Variants in RFX3 observed in about 807,000 individuals in gnomAD.
RFX3 encodes the protein transcription factor RFX3.
A neutral mutation model predicts 98.6 loss-of-function variants in RFX3; 14 were observed. That is an observed-to-expected ratio of 0.14 (90% CI 0.09 to 0.22). The LOEUF is 0.22. RFX3 is among the 10% of genes least tolerant of loss of function. The pLI, the probability that RFX3 is intolerant of heterozygous loss-of-function variation, is 1.00. For missense variants in RFX3, 639 were observed against 926.9 expected, an observed-to-expected ratio of 0.69 and a Z score of 4.03; for synonymous variants, 383 against 328.4, an observed-to-expected ratio of 1.17 and a Z score of -1.80.
chr9:3,316,584 T>C (rs1478962960), intron 4 of RFX3, among the ~76,000 whole-genome samples: 1 of 152,202 alleles, frequency 6.6e-6, no homozygotes, highest in Non-Finnish European at 1.5e-5. Context: ...GGAAGTCAAA[T>C]TGTCCCTGTT....
Position 3,219,179 on chromosome 9 carries a change from G to C in RFX3, c.*5863C>G, listed in dbSNP as rs1285287964. On this transcript the variant is annotated 3_prime_UTR_variant, in exon 17 of 17. Transcript: ENST00000617270. ...TTGGTACAAAAGATGCTTTTTAAAC[G>C]AATAAAGTTCAATAGATTCTTTATT... 6.6e-6 allele frequency: 1 copy of C among 152,070 alleles called. No individual in the cohort carries two copies. Among genetic ancestry groups the C allele is most frequent in the African/African-American group, 2.4e-5 (1 of 41,414 alleles). The allele number at this position is 152,070 out of a possible 1,614,324, so 9.4% of individuals were successfully genotyped here.
At chr9:3,475,605 G>T (rs1408293398) in intron 1 of RFX3, among the ~76,000 whole-genome samples, 1 of 152,162 alleles carries the variant, frequency 6.6e-6, no homozygotes, top group Admixed American at 6.5e-5. Flanking sequence ...TATTATTTCT[G>T]CATAATATTA....
chr9:3,336,549 A>T lies in RFX3; in HGVS notation c.216-6032T>A, dbSNP rs117489365. On this transcript the variant is annotated intron_variant, in intron 3 of 16. Transcript: ENST00000617270. ...AGGAGTCAGCCCTATGGAAAACAAGAAGAATAAAATTTTAGGAAGACAGTA... is the reference window on the plus strand; with the variant it reads ...AGGAGTCAGCCCTATGGAAAACAAGTAGAATAAAATTTTAGGAAGACAGTA... Among the ~76,000 whole-genome samples, 277 of 152,296 alleles carry T rather than the reference A, an allele frequency of 1.8e-3. 1 individual carries two copies. Among genetic ancestry groups the T allele is most frequent in the Middle Eastern group, 6.8e-3 (2 of 294 alleles).
intron 1 of RFX3, chr9:3,400,050 A>C (rs1235575763): frequency 6.4e-6 from 1 of 156,278 alleles, no homozygotes; most frequent in African/African-American, 2.4e-5. Context: ...AGACCATTTT[A>C]CTGCTAGAAA....
rs914665557 is a variant in RFX3 at position 3,488,984 on chromosome 9, G to C, written c.-9+36763C>G. ...GATTCTATTTCATCATCACATCTTT[G>C]ATTGAAACAACATGAACACAATTTT... On this transcript the variant is annotated intron_variant, in intron 1 of 16. Coordinates refer to ENST00000617270, the MANE Select transcript of RFX3 (RefSeq NM_001282116.2). 1.6e-5 allele frequency: 10 copies of C among 623,110 alleles called. No individual in the cohort carries two copies. The African/African-American group carries it at 1.8e-4, about 11-fold the overall frequency. The allele number at this position is 623,110 out of a possible 1,614,324, so 38.6% of individuals were successfully genotyped here.
intron 4 of RFX3, among the ~76,000 whole-genome samples, chr9:3,321,688 T>C (rs1831338981): frequency 6.6e-6 from 1 of 152,206 alleles, no homozygotes; most frequent in Non-Finnish European, 1.5e-5. Context: ...CAGCAGGATG[T>C]TTTCACCTTT....
intron 1 of RFX3, among the ~76,000 whole-genome samples, chr9:3,421,552 T>C (rs1843441235): frequency 6.6e-6 from 1 of 152,234 alleles, no homozygotes; most frequent in Non-Finnish European, 1.5e-5. Context: ...GTCCTTATTG[T>C]TGTACAGAAT....
intron 4 of RFX3, among the ~76,000 whole-genome samples, chr9:3,311,405 T>A (rs1166099977): frequency 6.6e-6 from 1 of 152,210 alleles, no homozygotes; most frequent in Admixed American, 6.5e-5. Context: ...CTCACACCTG[T>A]GTGAAATGAC....
At chr9:3,231,349 A>G (rs1818417140) in intron 15 of RFX3, among the ~76,000 whole-genome samples, 1 of 152,210 alleles carries the variant, frequency 6.6e-6, no homozygotes, top group Admixed American at 6.5e-5. Context: ...TTACAGAGGA[A>G]AAAACACTTT....
chr9:3,436,288 A>T (rs1245344129), intron 1 of RFX3, among the ~76,000 whole-genome samples: 1 of 152,036 alleles, frequency 6.6e-6, no homozygotes, highest in Non-Finnish European at 1.5e-5. Context: ...GGTTTCTGGT[A>T]ATTACAACCA....
rs565529395 is a variant in RFX3, at chr9:3,497,775, G to A, written c.-9+27972C>T. 5.1e-4 allele frequency among the ~76,000 whole-genome samples: 78 copies of A among 152,076 alleles called. 2 individuals carry two copies. In the South Asian group the frequency reaches 9.5e-3, roughly 19 times the overall value. Reference sequence around the variant, plus strand: ...TGCCATAAGCTTGCTTAAAGAGGCTGATTTTACCTTTAGCTGAAGCTGTGT... The same window carrying A: ...TGCCATAAGCTTGCTTAAAGAGGCTAATTTTACCTTTAGCTGAAGCTGTGT... On this transcript the variant is annotated intron_variant, in intron 1 of 16. Coordinates refer to ENST00000617270, the MANE Select transcript of RFX3 (RefSeq NM_001282116.2).
At chr9:3,387,889 C>G (rs180701995) in intron 2 of RFX3, among the ~76,000 whole-genome samples, 148 of 152,166 alleles carry the variant, frequency 9.7e-4, no homozygotes, top group Admixed American at 6.5e-3. Context: ...CCTCTTGACC[C>G]TGAACAGAAA....
chr9:3,518,637 G>A (rs1480610772), intron 1 of RFX3, among the ~76,000 whole-genome samples: 1 of 152,120 alleles, frequency 6.6e-6, no homozygotes, highest in African/African-American at 2.4e-5. Context: ...TGATGAAAAT[G>A]TTCAGGAAAA....
chr9:3,270,946 T>C, intron 10 of RFX3, 57 bp downstream of exon 10: 1 of 1,611,338 alleles, frequency 6.2e-7, no homozygotes. Context: ...CTCTAATTTA[T>C]TAGTTGTGAC....
chr9:3,229,716 T>C (rs373488354), intron 15 of RFX3, among the ~76,000 whole-genome samples: 2 of 152,240 alleles, frequency 1.3e-5, no homozygotes, highest in East Asian at 1.9e-4. Flanking sequence ...TAAACATTAC[T>C]TTTTTAAGGT....
chr9:3,297,310 CATAAA>C (rs1424456687), intron 5 of RFX3, among the ~76,000 whole-genome samples: 2 of 152,008 alleles, frequency 1.3e-5, no homozygotes, highest in East Asian at 3.9e-4. Context: ...TTCAAAAGCC[CATAAA>C]ATAACATAGG....
intron 1 of RFX3, among the ~76,000 whole-genome samples, chr9:3,409,071 G>C (rs183045282): frequency 9.2e-5 from 14 of 152,254 alleles, no homozygotes; most frequent in Middle Eastern, 6.8e-3. Context: ...TTTAATTTAC[G>C]TGAAAGTAAA....
intron 1 of RFX3, among the ~76,000 whole-genome samples, chr9:3,437,701 C>T (rs576466195): frequency 4.7e-4 from 72 of 152,114 alleles, no homozygotes; most frequent in Non-Finnish European, 9.6e-4. Context: ...GCTGATTTGC[C>T]GGTTTCAAAA....
At chr9:3,277,294 T>C (rs1329018266) in intron 8 of RFX3, 46 bp downstream of exon 8, 11 of 1,595,478 alleles carry the variant, frequency 6.9e-6, no homozygotes, top group Non-Finnish European at 6.0e-6. Flanking sequence ...AAGACTAACT[T>C]TTCAAAATCC....
Sources: allele counts gnomAD v4.1 joint callset (sites outside exome capture counted in the v4.1 genomes callset), GRCh38; gene constraint gnomAD v4.1.1; transcripts MANE v1.5; gene names NCBI Gene and HGNC (gene_info 2026-07-23, HGNC 2026-07-21).